The following PRKD3 variants were observed in gnomAD, a reference collection of about 807,000 sequenced individuals.
PRKD3 encodes the protein protein kinase D3, also known as serine/threonine-protein kinase D3.
PRKD3 carries 47 observed loss-of-function variants against 99.2 expected under a neutral mutation model. The observed-to-expected ratio is 0.47, with a 90% CI of 0.38 to 0.60. The LOEUF is 0.60. Among genes scored for constraint, PRKD3 ranks in the 20% least tolerant of loss-of-function variants. The pLI is 0.00. For missense variants in PRKD3, 1,019 were observed against 1,088.4 expected, an observed-to-expected ratio of 0.94 and a Z score of 0.90; for synonymous variants, 392 against 355.4, an observed-to-expected ratio of 1.10 and a Z score of -1.16.
At position 37,274,449 on chromosome 2, in the gene PRKD3, G is replaced by C; in HGVS notation, c.1623C>G (p.Cys541Trp). Residue 541 changes from cysteine to tryptophan, a missense_variant, in exon 11 of 19, where the codon TGC (cysteine) becomes TGG (tryptophan). By Grantham distance (215) the Cys-to-Trp change is radical. Coordinates refer to ENST00000234179, the MANE Select transcript of PRKD3 (RefSeq NM_005813.6). Reference sequence around the variant, plus strand: ...GATCTTTCCCTTGCCCTGGAGAAGTGCAAACACTTGCTTGAGGAGTAACAG... The same window carrying C: ...GATCTTTCCCTTGCCCTGGAGAAGTCCAAACACTTGCTTGAGGAGTAACAG... Reference protein sequence around the residue: ...LMPVTPQASVCTSPGQGKDHK... With the variant: ...LMPVTPQASVWTSPGQGKDHK... 1 of 1,614,094 alleles carries C rather than the reference G, an allele frequency of 6.2e-7. No individual in the cohort carries two copies. The highest frequency in any genetic ancestry group is 8.5e-7 in the Non-Finnish European group (1 of 1,179,988).
chr2:37,257,854 A>T (rs1394485201), intron 16 of PRKD3, among the ~76,000 whole-genome samples: 1 of 152,162 alleles, frequency 6.6e-6, no homozygotes, highest in East Asian at 1.9e-4. Context: ...AGTGAGTAAC[A>T]GCAACACTTT....
chr2:37,289,755 C>T (rs1670307960), intron 4 of PRKD3, among the ~76,000 whole-genome samples: 2 of 152,132 alleles, frequency 1.3e-5, no homozygotes, highest in South Asian at 4.1e-4. Flanking sequence ...AGGCAACCAC[C>T]TGGAAATTTG....
intron 14 of PRKD3, among the ~76,000 whole-genome samples, chr2:37,262,014 G>C (rs548201716): frequency 6.6e-6 from 1 of 152,132 alleles, no homozygotes; most frequent in South Asian, 2.1e-4. Context: ...TAATGTAAGC[G>C]ACTGTGCTTA....
intron 1 of PRKD3, among the ~76,000 whole-genome samples, chr2:37,323,427 GA>G (rs1284541668): frequency 6.6e-6 from 1 of 151,844 alleles, no homozygotes; most frequent in Non-Finnish European, 1.5e-5. Context: ...ACCTACTGAA[GA>G]AAAACCTTCC....
At chr2:37,256,628 A>ATTTTTTTTTTTTTTT in intron 17 of PRKD3, 34 bp downstream of exon 17, 2 of 1,196,940 alleles carry the variant, frequency 1.7e-6, no homozygotes, top group East Asian at 6.3e-5. Context: ...CATAGCCAAA[A>ATTTTTTTTTTTTTTT]TTTTTTTTTT....
chr2:37,312,230 T>C (rs1004888537), intron 2 of PRKD3, among the ~76,000 whole-genome samples: 4 of 152,166 alleles, frequency 2.6e-5, no homozygotes, highest in African/African-American at 7.2e-5. Flanking sequence ...AACATAGCAA[T>C]AAAGCCTGCA....
intron 1 of PRKD3, among the ~76,000 whole-genome samples, chr2:37,322,496 G>A (rs1558588467): frequency 6.6e-6 from 1 of 152,212 alleles, no homozygotes; most frequent in African/African-American, 2.4e-5. Flanking sequence ...GCTCTGCTCA[G>A]GAACTGAAAA....
At position 37,281,949 on chromosome 2, in the gene PRKD3, C is replaced by T. The variant is rs190617315; in HGVS notation, c.988+593G>A. 2.0e-3 allele frequency among the ~76,000 whole-genome samples: 298 copies of T among 152,150 alleles called. 2 individuals are homozygous for T. Among genetic ancestry groups the T allele is most frequent in the African/African-American group, 5.8e-3 (242 of 41,506 alleles). On this transcript the variant is annotated intron_variant, in intron 7 of 18. Coordinates refer to ENST00000234179, the MANE Select transcript of PRKD3 (RefSeq NM_005813.6). ...ATCTTGAAAAGAAAAAAAAAGACCC[C>T]AAAGGGAAAATGGACAACGATTATT...
chr2:37,277,779 C>G (rs1235100680), intron 9 of PRKD3, 87 bp downstream of exon 9: 3 of 1,403,638 alleles, frequency 2.1e-6, no homozygotes, highest in Non-Finnish European at 2.9e-6. Context: ...TAATATGTAT[C>G]TCATCATCAT....
intron 13 of PRKD3, chr2:37,269,015 A>C (rs887001552): frequency 1.9e-5 from 3 of 153,912 alleles, no homozygotes; most frequent in African/African-American, 7.2e-5. Context: ...ACCAAGTCTT[A>C]GCAAGGGATA....
In PRKD3 at chr2:37,259,500, GTACT is replaced by G. The variant is rs1222808816; in HGVS notation, c.2145+79_2145+82del. ...AGGTGGTATGCATTTTTAACCAACAGTACTTAGTACACTGCCTTTTATTATGTGG... is the reference window on the plus strand; with the variant it reads ...AGGTGGTATGCATTTTTAACCAACAGTAGTACACTGCCTTTTATTATGTGG... On this transcript the variant is annotated intron_variant, in intron 16 of 18. Transcript: ENST00000234179. 2.9e-6 allele frequency: 3 copies of G among 1,042,078 alleles called. No homozygotes were observed. The African/African-American group carries it at 4.8e-5, about 17-fold the overall frequency. 64.6% of individuals were successfully genotyped at this position (1,042,078 alleles called of 1,614,324 possible).
chr2:37,261,201 T>C (rs894751861), intron 14 of PRKD3, among the ~76,000 whole-genome samples: 3 of 152,224 alleles, frequency 2.0e-5, no homozygotes, highest in African/African-American at 7.2e-5. Flanking sequence ...TTAATAAAGA[T>C]ACAGGCTGGG....
rs1005145281 is a variant in PRKD3, at chr2:37,265,747, T to C, written c.1884+1683A>G. Among the ~76,000 whole-genome samples, 10 of 152,286 alleles carry C rather than the reference T, an allele frequency of 6.6e-5. No individual in the cohort carries two copies. The East Asian group carries it at 7.7e-4, about 12-fold the overall frequency. On this transcript the variant is annotated intron_variant, in intron 14 of 18. Transcript: ENST00000234179. ...TCTTGTATTAAATTTAGTATGAAAA[T>C]AGCATAGAGACATCCTACAATCTAT...
rs1423287689 is a variant in PRKD3, at chr2:37,251,119, A to AT, written c.*2057dup. 1.3e-5 allele frequency: 2 copies of AT among 152,636 alleles called. No individual in the cohort carries two copies. Among genetic ancestry groups the AT allele is most frequent in the Non-Finnish European group, 2.9e-5 (2 of 68,044 alleles). 9.5% of individuals were successfully genotyped at this position (152,636 alleles called of 1,614,324 possible). ...TTGCCTAGTGACTCAGAATTATTCC[A>AT]TTTTGTGTGTGTTGATATAAACAGA... On this transcript the variant is annotated 3_prime_UTR_variant, in exon 19 of 19. Coordinates refer to ENST00000234179, the MANE Select transcript of PRKD3 (RefSeq NM_005813.6).
chr2:37,271,731 G>A (rs959599983), intron 12 of PRKD3, among the ~76,000 whole-genome samples: 1 of 152,126 alleles, frequency 6.6e-6, no homozygotes, highest in Non-Finnish European at 1.5e-5. Context: ...GATCTGACAC[G>A]GTTCATTCCG....
At chr2:37,259,100 T>C (rs1250567430) in intron 16 of PRKD3, among the ~76,000 whole-genome samples, 3 of 151,932 alleles carry the variant, frequency 2.0e-5, no homozygotes, top group Non-Finnish European at 4.4e-5. Flanking sequence ...GAGTGCTACA[T>C]GTAGCCAGGA....
chr2:37,279,722 G>C (rs766365417), intron 8 of PRKD3, 24 bp downstream of exon 8: 4 of 1,555,394 alleles, frequency 2.6e-6, no homozygotes, highest in Non-Finnish European at 3.5e-6. Flanking sequence ...TCTGGAAGTA[G>C]CTTGTAATAT....
chr2:37,296,400 CAT>C (rs571245084), intron 2 of PRKD3, among the ~76,000 whole-genome samples: 10 of 151,820 alleles, frequency 6.6e-5, no homozygotes, highest in Non-Finnish European at 1.3e-4. Context: ...TAAAAATAGA[CAT>C]ATGTATATTA....
intron 11 of PRKD3, 147 bp from the exon 12 acceptor site, chr2:37,272,579 C>T: frequency 9.8e-7 from 1 of 1,022,584 alleles, no homozygotes; most frequent in Non-Finnish European, 1.4e-6. Context: ...ACACATACAA[C>T]CCATCAACAG....
Sources: allele counts gnomAD v4.1 joint callset (sites outside exome capture counted in the v4.1 genomes callset), GRCh38; gene constraint gnomAD v4.1.1; transcripts MANE v1.5; gene names NCBI Gene and HGNC (gene_info 2026-07-23, HGNC 2026-07-21).